VTI1B: variants seen among roughly 807,000 people sequenced by gnomAD.
VTI1B encodes vesicle transport through interaction with t-SNAREs 1B.
In VTI1B, 18 loss-of-function variants were observed where a neutral mutation model predicts 28.6. The ratio of observed to expected loss-of-function variants is 0.63; its 90% CI spans 0.43 to 0.93. The LOEUF is 0.93. Ranked by LOEUF, VTI1B falls within the 40% of genes least tolerant of loss-of-function variation. The pLI is 0.00. For missense variants in VTI1B, 283 were observed against 297.0 expected (o/e 0.95, Z 0.35); for synonymous variants, 100 against 107.9 (o/e 0.93, Z 0.46).
Position 67,659,843 on chromosome 14 carries a change from C to G in VTI1B, c.254G>C (p.Arg85Pro), listed in dbSNP as rs201877186. 6.2e-7 allele frequency: 1 copy of G among 1,614,134 alleles called. No homozygotes were observed. The highest frequency in any genetic ancestry group is 8.5e-7 in the Non-Finnish European group (1 of 1,180,012). The change falls in exon 3 of 6, where the codon CGG becomes CCG. Residue 85 changes from arginine (R) to proline (P), a missense_variant. By Grantham distance (103) the Arg-to-Pro change is moderately radical. Coordinates refer to ENST00000554659, the MANE Select transcript of VTI1B (RefSeq NM_006370.3). ...NPMMSKLRNY[R>P]KDLAKLHREV... ...CCGATGGAGTTTAGCAAGGTCCTTCCGGTAGTTTCGAAGCTTAGACATCAT... is the reference window on the plus strand; with the variant it reads ...CCGATGGAGTTTAGCAAGGTCCTTCGGGTAGTTTCGAAGCTTAGACATCAT...
At position 67,664,161 on chromosome 14, in the gene VTI1B, A is replaced by AT. The variant is rs111750395; in HGVS notation, c.116-1627dup. Among the ~76,000 whole-genome samples, 123 of 152,328 alleles carry AT rather than the reference A, an allele frequency of 8.1e-4. 2 individuals are homozygous for AT. Among genetic ancestry groups the AT allele is most frequent in the African/African-American group, 2.7e-3 (111 of 41,576 alleles). The stretch of plus-strand genomic sequence containing the variant: ...AAATACATGTAATATAAAATTTACC[A>AT]TTTTGACCATTTGTGAGGGTATAGC... On this transcript the variant is annotated intron_variant, in intron 1 of 5. Coordinates refer to ENST00000554659, the MANE Select transcript of VTI1B (RefSeq NM_006370.3).
Position 67,650,823 on chromosome 14 carries a change from T to G in VTI1B, c.*562A>C. 1 of 1,614,188 alleles carries G rather than the reference T, an allele frequency of 6.2e-7. No individual in the cohort carries two copies. The highest frequency in any genetic ancestry group is 8.5e-7 in the Non-Finnish European group (1 of 1,180,030). ...GCAGTAGATGTGATTGCTTCAAGCTTTGGTCAGACAAGAGAAGGAGGGCAT... is the reference window on the plus strand; with the variant it reads ...GCAGTAGATGTGATTGCTTCAAGCTGTGGTCAGACAAGAGAAGGAGGGCAT... On this transcript the variant is annotated 3_prime_UTR_variant, in exon 6 of 6. Transcript: ENST00000554659.
intron 3 of VTI1B, among the ~76,000 whole-genome samples, chr14:67,656,823 G>A (rs1004350868): frequency 1.3e-5 from 2 of 152,072 alleles, no homozygotes; most frequent in South Asian, 2.1e-4. Context: ...TTACACTTAC[G>A]CGAGGCAAGG....
At chr14:67,653,590 A>G (rs2037216272) in intron 4 of VTI1B, 92 bp from the exon 5 acceptor site, 1 of 1,142,138 alleles carries the variant, frequency 8.8e-7, no homozygotes, top group African/African-American at 1.6e-5. Context: ...ATTAAGGGAT[A>G]TATGTTGAAA....
chr14:67,671,282 T>C (rs1414920158), intron 1 of VTI1B, among the ~76,000 whole-genome samples: 2 of 152,156 alleles, frequency 1.3e-5, no homozygotes, highest in South Asian at 2.1e-4. Context: ...TCCTAGCACT[T>C]TGGGAGGCCG....
chr14:67,648,142 A>T lies in VTI1B; in HGVS notation c.*3243T>A. On this transcript the variant is annotated 3_prime_UTR_variant, in exon 6 of 6. Coordinates refer to ENST00000554659, the MANE Select transcript of VTI1B (RefSeq NM_006370.3). Reference sequence around the variant, plus strand: ...ACTCCTGTTGTCGGGGGACTAACCTATCGAGAAGGCATGTATATTGCTGAG... The same window carrying T: ...ACTCCTGTTGTCGGGGGACTAACCTTTCGAGAAGGCATGTATATTGCTGAG... The T allele has an allele frequency of 1.9e-6, 3 of 1,614,050 alleles. No individual in the cohort carries two copies. Among genetic ancestry groups the T allele is most frequent in the Non-Finnish European group, 2.5e-6 (3 of 1,179,920 alleles).
At chr14:67,662,902 C>A (rs1391164068) in intron 1 of VTI1B, 135 of 899,642 alleles carry the variant, frequency 1.5e-4, no homozygotes, top group African/African-American at 1.1e-3. Context: ...GACTCTGTCT[C>A]AAAAAAAAAA....
In VTI1B at chr14:67,650,421, GCCTTTT is replaced by G. The variant is rs1350253873; in HGVS notation, c.*958_*963del. 2 of 387,008 alleles carry G rather than the reference GCCTTTT, an allele frequency of 5.2e-6. No homozygotes were observed. Among genetic ancestry groups the G allele is most frequent in the African/African-American group, 2.0e-5 (1 of 49,068 alleles). 24.0% of individuals were successfully genotyped at this position (387,008 alleles called of 1,614,324 possible). On this transcript the variant is annotated 3_prime_UTR_variant, in exon 6 of 6. Transcript: ENST00000554659. ...GAAAACCTCCCCCACCCAACACCAA[GCCTTTT>G]CCTTTTCCAGAACGCCTGACAATTA...
chr14:67,671,482 T>C (rs1440915967), intron 1 of VTI1B, among the ~76,000 whole-genome samples: 3 of 151,964 alleles, frequency 2.0e-5, no homozygotes, highest in Non-Finnish European at 4.4e-5. Context: ...GCTGAGATTG[T>C]ACCACTGCAC....
At chr14:67,651,607 T>A in intron 5 of VTI1B, 126 bp from the exon 6 acceptor site, 1 of 1,010,562 alleles carries the variant, frequency 9.9e-7, no homozygotes, top group Non-Finnish European at 1.4e-6. Context: ...CACAGCCACT[T>A]AGCAGGAAGT....
Position 67,648,756 on chromosome 14 carries a change from A to T in VTI1B, c.*2629T>A, listed in dbSNP as rs1594831191. 2 of 152,222 alleles carry T rather than the reference A, an allele frequency of 1.3e-5. No individual in the cohort carries two copies. Among genetic ancestry groups the T allele is most frequent in the African/African-American group, 4.8e-5 (2 of 41,460 alleles). The allele number at this position is 152,222 out of a possible 1,614,324, so 9.4% of individuals were successfully genotyped here. ...GTTATCAAGACTGGCTACTTTTCCA[A>T]AACTCATACTTGTTTGCAAACAGTT... On this transcript the variant is annotated 3_prime_UTR_variant, in exon 6 of 6. Transcript: ENST00000554659.
chr14:67,659,622 CAA>C (rs2037310097), intron 3 of VTI1B, 107 bp downstream of exon 3: 1 of 1,118,940 alleles, frequency 8.9e-7, no homozygotes, highest in African/African-American at 1.6e-5. Flanking sequence ...AAAAATGAAA[CAA>C]GAGTCTAGTA....
At chr14:67,673,306 T>G (rs1267650838) in intron 1 of VTI1B, among the ~76,000 whole-genome samples, 2 of 151,978 alleles carry the variant, frequency 1.3e-5, no homozygotes, top group African/African-American at 4.8e-5. Context: ...ATCGTGCCAC[T>G]GCACTCCAGC....
intron 3 of VTI1B, among the ~76,000 whole-genome samples, chr14:67,659,178 C>T (rs905360344): frequency 1.2e-4 from 18 of 152,168 alleles, no homozygotes; most frequent in African/African-American, 4.3e-4. Context: ...CTTTCTATTA[C>T]CACAGAATAA....
Position 67,674,549 on chromosome 14 carries a change from C to T in VTI1B, c.-60G>A. On this transcript the variant is annotated 5_prime_UTR_variant, in exon 1 of 6. Coordinates refer to ENST00000554659, the MANE Select transcript of VTI1B (RefSeq NM_006370.3). Reference sequence around the variant, plus strand: ...TTCGGGGCCCTGGGCCCTTTCCTAGCCCGGCGGTCAGCCGCCCAGCCCAGT... The same window carrying T: ...TTCGGGGCCCTGGGCCCTTTCCTAGTCCGGCGGTCAGCCGCCCAGCCCAGT... The T allele has an allele frequency of 1.2e-5, 17 of 1,456,096 alleles. No homozygotes were observed. Among genetic ancestry groups the T allele is most frequent in the Middle Eastern group, 2.5e-4 (1 of 4,014 alleles). 90.2% of individuals were successfully genotyped at this position (1,456,096 alleles called of 1,614,324 possible).
chr14:67,658,043 C>T (rs534409236), intron 3 of VTI1B, among the ~76,000 whole-genome samples: 5 of 152,258 alleles, frequency 3.3e-5, no homozygotes, highest in African/African-American at 1.2e-4. Context: ...GCCACTGTGC[C>T]CGGCGCTCTG....
At position 67,649,801 on chromosome 14, in the gene VTI1B, T is replaced by C. The variant is rs1343566124; in HGVS notation, c.*1584A>G. Reference sequence around the variant, plus strand: ...CATTTGCCTGTGTTTCCAGACTTTATGGCCACCCTAAATATTCTTAGATAC... The same window carrying C: ...CATTTGCCTGTGTTTCCAGACTTTACGGCCACCCTAAATATTCTTAGATAC... On this transcript the variant is annotated 3_prime_UTR_variant, in exon 6 of 6. Transcript: ENST00000554659. 1 of 152,246 alleles carries C rather than the reference T, an allele frequency of 6.6e-6. No homozygotes were observed. The highest frequency in any genetic ancestry group is 1.5e-5 in the Non-Finnish European group (1 of 68,036). The allele number at this position is 152,246 out of a possible 1,614,324, so 9.4% of individuals were successfully genotyped here. A position where few individuals can be genotyped will look rare whatever the true frequency, so the allele number is the denominator to read the frequency against.
chr14:67,672,473 T>C (rs532306871), intron 1 of VTI1B, among the ~76,000 whole-genome samples: 74 of 133,474 alleles, frequency 5.5e-4, no homozygotes, highest in African/African-American at 1.9e-3. Context: ...TGATACAGAG[T>C]CTTGATCTGT....
rs182278932 is a variant in VTI1B at position 67,648,547 on chromosome 14, T to C, written c.*2838A>G. ...AGGCTGTAATTTGCACTCTAAGAGA[T>C]TGGTTCATTGGGAGTTGTGAATTTG... On this transcript the variant is annotated 3_prime_UTR_variant, in exon 6 of 6. Transcript: ENST00000554659. The C allele has an allele frequency of 3.2e-3, 527 of 162,218 alleles. 2 individuals carry two copies. Among genetic ancestry groups the C allele is most frequent in the South Asian group, 6.0e-3 (32 of 5,310 alleles). The allele number at this position is 162,218 out of a possible 1,614,324, so 10.0% of individuals were successfully genotyped here.
Sources: gnomAD v4.1 joint callset for allele counts (sites outside exome capture counted in the v4.1 genomes callset) on GRCh38, gnomAD v4.1.1 for gene constraint, MANE v1.5 for transcripts, NCBI Gene and HGNC (gene_info 2026-07-23, HGNC 2026-07-21) for gene names.